Variants in ZFYVE1 observed in about 807,000 individuals in gnomAD.
ZFYVE1 encodes the protein zinc finger FYVE domain-containing protein 1.
ZFYVE1 carries 30 observed loss-of-function variants against 74.4 expected under a neutral mutation model. That is an observed-to-expected ratio of 0.40 (90% confidence interval 0.30 to 0.55). The LOEUF (loss-of-function observed/expected upper bound fraction) is 0.55, where lower values mean the gene tolerates loss of function less well. ZFYVE1 is among the 20% of genes least tolerant of loss of function. ZFYVE1 has a pLI of 0.42. For synonymous variants in ZFYVE1, 335 were observed against 385.1 expected (o/e 0.87, Z 1.52); for missense variants, 703 against 1,011.6 (o/e 0.69, Z 4.14).
At chr14:72,986,931 G>A (rs2140356544) in intron 4 of ZFYVE1, 3 of 985,338 alleles carry the variant, frequency 3.0e-6, no homozygotes, top group Middle Eastern at 1.0e-3. Flanking sequence ...TCCTCCTCCT[G>A]AGATCCCAAA....
Position 72,990,689 on chromosome 14 carries a change from C to CTTTTTTTT in ZFYVE1, c.1203+2446_1203+2453dup, listed in dbSNP as rs369030778. Among the ~76,000 whole-genome samples, 4 of 66,708 alleles carry CTTTTTTTT rather than the reference C, an allele frequency of 6.0e-5. 1 individual carries two copies. The South Asian group carries it at 1.9e-3, about 32-fold the overall frequency. The allele number at this position is 66,708 out of a possible 152,430, so 43.8% of individuals were successfully genotyped here. On this transcript the variant is annotated intron_variant, in intron 4 of 11. Transcript: ENST00000556143. ...AAGGGCGTGAGCCACCGCACCTGGC[C>CTTTTTTTT]TTTTTTTTTTTTTTTTTTTTTTTTT...
intron 2 of ZFYVE1, among the ~76,000 whole-genome samples, chr14:72,999,572 C>CA (rs35637914): frequency 3.1e-4 from 42 of 133,492 alleles, no homozygotes; most frequent in East Asian, 1.5e-3. Context: ...GACCTTGACT[C>CA]AAAAAAAAAA....
chr14:73,016,920 T>C (rs1894215048), intron 2 of ZFYVE1, among the ~76,000 whole-genome samples: 1 of 152,140 alleles, frequency 6.6e-6, no homozygotes, highest in Non-Finnish European at 1.5e-5. Flanking sequence ...CAGAAAGTCT[T>C]ACCATCTCAC....
At chr14:73,025,118 G>C (rs34374891) in intron 1 of ZFYVE1, among the ~76,000 whole-genome samples, 176 bp from the exon 2 acceptor site, 22,319 of 150,294 alleles carry the variant, frequency 0.15, 1,903 homozygotes, top group South Asian at 0.24. Context: ...GCCCAAGCTG[G>C]AGTGCAATGG....
intron 4 of ZFYVE1, among the ~76,000 whole-genome samples, chr14:72,987,284 G>C (rs1304038075): frequency 6.6e-6 from 1 of 152,202 alleles, no homozygotes; most frequent in Non-Finnish European, 1.5e-5. Flanking sequence ...GGTACATAAA[G>C]GCTGGGCACA....
intron 4 of ZFYVE1, among the ~76,000 whole-genome samples, chr14:72,989,460 G>C (rs1195776251): frequency 6.6e-6 from 1 of 152,172 alleles, no homozygotes; most frequent in Non-Finnish European, 1.5e-5. Context: ...TGAGGAGGGG[G>C]GAGGTAGGGG....
At chr14:72,983,022 T>C (rs1893378287) in intron 4 of ZFYVE1, among the ~76,000 whole-genome samples, 1 of 151,994 alleles carries the variant, frequency 6.6e-6, no homozygotes, top group African/African-American at 2.4e-5. Flanking sequence ...TTTTTGTATT[T>C]TTAGTAGAAA....
rs761556782 is a variant in ZFYVE1 at position 72,998,303 on chromosome 14, C to T, written c.496G>A (p.Glu166Lys). 9 of 1,397,598 alleles carry T rather than the reference C, an allele frequency of 6.4e-6. No homozygotes were observed. The highest frequency in any genetic ancestry group is 1.7e-5 in the South Asian group (1 of 57,490). The allele number at this position is 1,397,598 out of a possible 1,614,324, so 86.6% of individuals were successfully genotyped here. A position where few individuals can be genotyped will look rare whatever the true frequency, so the allele number is the denominator to read the frequency against. ...CAGTCCAATTTTCTAATAAAGTCTT[C>T]TTCATTTGTTACCTGCAAAAAAAAA... ...ENEEIQVTNE[E>K]DFIRKLDCKP... Residue 166 changes from glutamate to lysine, a missense_variant, in exon 3 of 12, where the codon GAA becomes AAA. By Grantham distance (56) the Glu-to-Lys change is moderately conservative. Coordinates refer to ENST00000556143, the MANE Select transcript of ZFYVE1 (RefSeq NM_021260.4).
chr14:72,975,999 A>G lies in ZFYVE1; in HGVS notation c.1636-278T>C. The G allele has an allele frequency of 3.1e-6, 1 of 326,150 alleles. No homozygotes were observed. The highest frequency in any genetic ancestry group is 5.6e-6 in the Non-Finnish European group (1 of 178,046). 20.2% of individuals were successfully genotyped at this position (326,150 alleles called of 1,614,324 possible). On this transcript the variant is annotated intron_variant, in intron 8 of 11. Coordinates refer to ENST00000556143, the MANE Select transcript of ZFYVE1 (RefSeq NM_021260.4). The surrounding 1 kb of genome is among the most constrained non-coding windows in gnomAD (Gnocchi z 4.1). ...GGGGCCCCGCACCGCAGGCTGAGTT[A>G]AGAACCTTTCCTCTCAGTTCTTCTA...
At chr14:72,977,794 C>T (rs921669965) in intron 8 of ZFYVE1, 133 bp downstream of exon 8, 9 of 912,900 alleles carry the variant, frequency 9.9e-6, no homozygotes, top group Non-Finnish European at 1.3e-5. Context: ...CTCTCCAGAT[C>T]ATGCCTTTCT....
At chr14:72,971,777 T>C (rs1363801450) in intron 11 of ZFYVE1, among the ~76,000 whole-genome samples, 1 of 152,176 alleles carries the variant, frequency 6.6e-6, no homozygotes, top group African/African-American at 2.4e-5. Flanking sequence ...CTCCTTGATC[T>C]TTATGTATCT....
chr14:73,007,413 G>GA (rs1286257795), intron 2 of ZFYVE1, among the ~76,000 whole-genome samples: 2 of 151,876 alleles, frequency 1.3e-5, no homozygotes, highest in Non-Finnish European at 2.9e-5. Context: ...CTAAAGACAG[G>GA]TCTTGCTCTG....
At position 72,999,766 on chromosome 14, in the gene ZFYVE1, A is replaced by C. The variant is rs534715337; in HGVS notation, c.484-1451T>G. On this transcript the variant is annotated intron_variant, in intron 2 of 11. Transcript: ENST00000556143. The stretch of plus-strand genomic sequence containing the variant: ...GAAACAGTGTCATCCGCCTCATTAA[A>C]ATAAACAAAGAGGCGGGGCATGGTA... Among the ~76,000 whole-genome samples the C allele has an allele frequency of 3.3e-5, 5 of 152,314 alleles. No individual in the cohort carries two copies. In the East Asian group the frequency reaches 7.7e-4, roughly 24 times the overall value.
chr14:72,976,005 C>T, intron 8 of ZFYVE1: 1 of 308,380 alleles, frequency 3.2e-6, no homozygotes, highest in East Asian at 6.1e-5. Flanking sequence ...AGTTAAGAAC[C>T]TTTCCTCTCA....
At chr14:73,003,849 G>C (rs1305738140) in intron 2 of ZFYVE1, among the ~76,000 whole-genome samples, 1 of 152,204 alleles carries the variant, frequency 6.6e-6, no homozygotes, top group African/African-American at 2.4e-5. Context: ...CTACAGCCAT[G>C]AGGGCAGGGC....
intron 10 of ZFYVE1, among the ~76,000 whole-genome samples, chr14:72,974,483 T>A (rs1175032032): frequency 6.6e-6 from 1 of 152,222 alleles, no homozygotes; most frequent in African/African-American, 2.4e-5. Context: ...AGGAGAAGAC[T>A]GGTCTAAGCC....
chr14:73,018,915 G>A (rs988569236), intron 2 of ZFYVE1, among the ~76,000 whole-genome samples: 2 of 150,080 alleles, frequency 1.3e-5, no homozygotes, highest in African/African-American at 4.9e-5. Context: ...CTGAACTCCA[G>A]CCTGGGTGAC....
At chr14:73,016,966 G>A (rs940206671) in intron 2 of ZFYVE1, among the ~76,000 whole-genome samples, 1 of 152,044 alleles carries the variant, frequency 6.6e-6, no homozygotes, top group Non-Finnish European at 1.5e-5. Flanking sequence ...AGAGAATGCT[G>A]AGTTCACCAG....
In ZFYVE1 at chr14:72,975,412, C is replaced by T; in HGVS notation, c.1806+139G>A. 8.9e-7 allele frequency: 1 copy of T among 1,117,440 alleles called. No individual in the cohort carries two copies. 69.2% of individuals were successfully genotyped at this position (1,117,440 alleles called of 1,614,324 possible). ...ACTGGCTGCCTCAACGACTCCTCCCCTTGCCGGTACTCACAGAGCTCACTG... is the reference window on the plus strand; with the variant it reads ...ACTGGCTGCCTCAACGACTCCTCCCTTTGCCGGTACTCACAGAGCTCACTG... On this transcript the variant is annotated intron_variant, in intron 9 of 11. Coordinates refer to ENST00000556143, the MANE Select transcript of ZFYVE1 (RefSeq NM_021260.4). The surrounding 1 kb of genome is among the most constrained non-coding windows in gnomAD (Gnocchi z 4.1).
Sources: gnomAD v4.1 joint callset for allele counts (sites outside exome capture counted in the v4.1 genomes callset) on GRCh38, gnomAD v4.1.1 for gene constraint, Gnocchi (gnomAD v3.1) non-coding constraint, MANE v1.5 for transcripts, NCBI Gene and HGNC (gene_info 2026-07-23, HGNC 2026-07-21) for gene names.